The following SERINC5 variants were observed in gnomAD, a reference collection of about 807,000 sequenced individuals.
The protein encoded by SERINC5 is chromosome 5 open reading frame 12.
Under a neutral mutation model 63.1 loss-of-function variants are expected in SERINC5, and 41 were observed. That is an observed-to-expected ratio of 0.65 (90% CI 0.51 to 0.84). SERINC5 has a LOEUF of 0.84. SERINC5 is among the 40% of genes least tolerant of loss of function. SERINC5 has a pLI of 0.00. For missense variants in SERINC5, 523 were observed against 573.0 expected (o/e 0.91, Z 0.89); for synonymous variants, 222 against 215.2 (o/e 1.03, Z -0.28).
chr5:80,230,633 C>T (rs1408862221), intron 1 of SERINC5, among the ~76,000 whole-genome samples: 1 of 152,136 alleles, frequency 6.6e-6, no homozygotes, highest in Non-Finnish European at 1.5e-5. Context: ...GACACCAGCA[C>T]AATCTCTCCC....
intron 1 of SERINC5, among the ~76,000 whole-genome samples, chr5:80,251,384 C>CTGGAA (rs1406718728): frequency 6.6e-6 from 1 of 151,990 alleles, no homozygotes; most frequent in Non-Finnish European, 1.5e-5. Flanking sequence ...TAGGATCTGG[C>CTGGAA]TGGAAATACC....
chr5:80,155,488 G>T (rs1331799364), intron 8 of SERINC5, among the ~76,000 whole-genome samples: 2 of 151,650 alleles, frequency 1.3e-5, no homozygotes, highest in Non-Finnish European at 2.9e-5. Context: ...CAGGAGAATC[G>T]CTTGAACCTG....
chr5:80,178,121 A>G, intron 2 of SERINC5, 57 bp from the exon 3 acceptor site: 1 of 1,242,164 alleles, frequency 8.1e-7, no homozygotes. Flanking sequence ...GTGGACTGTC[A>G]CGGAGTGTTC....
intron 2 of SERINC5, among the ~76,000 whole-genome samples, chr5:80,184,443 A>T (rs1324351314): frequency 6.6e-6 from 1 of 152,068 alleles, no homozygotes; most frequent in Admixed American, 6.6e-5. Context: ...ACCATCCCCA[A>T]CAAATCCCCT....
chr5:80,210,824 T>C (rs1015138377), intron 1 of SERINC5, among the ~76,000 whole-genome samples: 1 of 152,166 alleles, frequency 6.6e-6, no homozygotes, highest in South Asian at 2.1e-4. Context: ...TTGTCATCAC[T>C]TGTAAGTCGA....
At chr5:80,232,061 C>T (rs1429639039) in intron 1 of SERINC5, among the ~76,000 whole-genome samples, 1 of 145,120 alleles carries the variant, frequency 6.9e-6, no homozygotes, top group Non-Finnish European at 1.5e-5. Context: ...ACGACTGTGC[C>T]ACCACACTCC....
At chr5:80,229,050 T>TGGGGAGG in intron 1 of SERINC5, among the ~76,000 whole-genome samples, 1 of 94,164 alleles carries the variant, frequency 1.1e-5, no homozygotes, top group East Asian at 3.5e-4. Context: ...TTTTTTTTTT[T>TGGGGAGG]GGGGATGGAG....
At chr5:80,153,349 T>G (rs1280257304) in intron 8 of SERINC5, among the ~76,000 whole-genome samples, 2 of 151,114 alleles carry the variant, frequency 1.3e-5, no homozygotes, top group Non-Finnish European at 2.9e-5. Flanking sequence ...TCCCAGCTAC[T>G]CGGGAGACTG....
At chr5:80,225,327 C>T (rs946793365) in intron 1 of SERINC5, among the ~76,000 whole-genome samples, 6 of 152,192 alleles carry the variant, frequency 3.9e-5, no homozygotes, top group African/African-American at 1.4e-4. Context: ...CACAGACAAA[C>T]CTATTAAATA....
chr5:80,197,308 TGAGAGAGAGAGAGA>T lies in SERINC5; in HGVS notation c.195+5564_195+5577del, dbSNP rs34195156. On this transcript the variant is annotated intron_variant, in intron 2 of 11. Coordinates refer to ENST00000507668, the MANE Select transcript of SERINC5 (RefSeq NM_001174072.3). Reference sequence around the variant, plus strand: ...GAGAGACAGAGCAAGACTCCATCTGTGAGAGAGAGAGAGAGAGAGAGAGAGAGAGAGAGAGAGAG... The same window carrying T: ...GAGAGACAGAGCAAGACTCCATCTGTGAGAGAGAGAGAGAGAGAGAGAGAG... Among the ~76,000 whole-genome samples the T allele has an allele frequency of 8.0e-3, 1,092 of 137,028 alleles. 10 individuals carry two copies. The highest frequency in any genetic ancestry group is 0.022 in the African/African-American group (814 of 36,618). The allele number at this position is 137,028 out of a possible 152,430, so 89.9% of individuals were successfully genotyped here. A position where few individuals can be genotyped will look rare whatever the true frequency, so the allele number is the denominator to read the frequency against.
chr5:80,172,052 T>C, intron 5 of SERINC5, among the ~76,000 whole-genome samples: 1 of 152,082 alleles, frequency 6.6e-6, no homozygotes. Flanking sequence ...AAAAATAAAT[T>C]AGGGCATGGT....
intron 2 of SERINC5, among the ~76,000 whole-genome samples, chr5:80,192,818 C>T (rs778886203): frequency 2.6e-5 from 4 of 152,188 alleles, no homozygotes; most frequent in Non-Finnish European, 5.9e-5. Flanking sequence ...TCCCAGGCAC[C>T]TCAGCTCTGT....
intron 1 of SERINC5, among the ~76,000 whole-genome samples, chr5:80,218,465 G>A (rs1194979423): frequency 2.6e-5 from 4 of 152,116 alleles, no homozygotes; most frequent in African/African-American, 4.8e-5. Flanking sequence ...ACTTGAACCC[G>A]GGAGGCAGAG....
chr5:80,166,315 A>G, intron 7 of SERINC5, 68 bp downstream of exon 7: 1 of 1,090,538 alleles, frequency 9.2e-7, no homozygotes, highest in East Asian at 2.6e-5. Context: ...TATTTAAACA[A>G]TAGCTCATTC....
At chr5:80,174,526 A>G (rs1380770875) in intron 5 of SERINC5, among the ~76,000 whole-genome samples, 1 of 152,026 alleles carries the variant, frequency 6.6e-6, no homozygotes, top group South Asian at 2.1e-4. Context: ...AGATAAATGA[A>G]AAAGGGAAGA....
intron 11 of SERINC5, among the ~76,000 whole-genome samples, chr5:80,123,131 T>A (rs1744612678): frequency 6.6e-6 from 1 of 152,182 alleles, no homozygotes; most frequent in Non-Finnish European, 1.5e-5. Flanking sequence ...AGTCTCACTC[T>A]CTTTCCCAGC....
intron 6 of SERINC5, among the ~76,000 whole-genome samples, chr5:80,167,850 A>T (rs1214832896): frequency 1.3e-5 from 2 of 152,222 alleles, no homozygotes; most frequent in Admixed American, 1.3e-4. Context: ...ACTTGCCGAC[A>T]TAAAAGGATG....
chr5:80,185,379 C>T (rs1748729293), intron 2 of SERINC5, among the ~76,000 whole-genome samples: 1 of 152,224 alleles, frequency 6.6e-6, no homozygotes, highest in Non-Finnish European at 1.5e-5. Flanking sequence ...ACAATACCGA[C>T]ACCCATTTCA....
intron 2 of SERINC5, among the ~76,000 whole-genome samples, chr5:80,187,293 C>G (rs1748868900): frequency 1.3e-5 from 2 of 152,202 alleles, no homozygotes. Flanking sequence ...TTCACAAAAA[C>G]TAGAAGAACT....
Sources: allele counts gnomAD v4.1 joint callset (sites outside exome capture counted in the v4.1 genomes callset), GRCh38; gene constraint gnomAD v4.1.1; transcripts MANE v1.5; gene names NCBI Gene and HGNC (gene_info 2026-07-23, HGNC 2026-07-21).